The following KCNK12 variants were observed in gnomAD, a reference collection of about 807,000 sequenced individuals.
KCNK12 encodes the protein potassium two pore domain channel subfamily K member 12.
In KCNK12, 6 loss-of-function variants were observed where a neutral mutation model predicts 25.3. The observed-to-expected ratio is 0.24, with a 90% confidence interval of 0.13 to 0.47. The LOEUF is 0.47. Ranked by LOEUF, KCNK12 falls within the 20% of genes least tolerant of loss-of-function variation. KCNK12 has a pLI of 0.99. For missense variants in KCNK12, 444 were observed against 661.7 expected (o/e 0.67, Z 3.61); for synonymous variants, 331 against 311.1 (o/e 1.06, Z -0.67).
intron 1 of KCNK12, among the ~76,000 whole-genome samples, chr2:47,552,168 G>A (rs1669448679): frequency 1.3e-5 from 2 of 152,200 alleles, no homozygotes; most frequent in African/African-American, 4.8e-5. Flanking sequence ...AATGTAGATG[G>A]AAGTGAAGGG....
rs952204081 is a variant in KCNK12, at chr2:47,517,349, A to G, written c.*3558T>C. The G allele has an allele frequency of 2.0e-5, 3 of 152,086 alleles. No individual in the cohort carries two copies. Among genetic ancestry groups the G allele is most frequent in the East Asian group, 1.9e-4 (1 of 5,162 alleles). The allele number at this position is 152,086 out of a possible 1,614,324, so 9.4% of individuals were successfully genotyped here. A position where few individuals can be genotyped will look rare whatever the true frequency, so the allele number is the denominator to read the frequency against. On this transcript the variant is annotated 3_prime_UTR_variant, in exon 2 of 2. Coordinates refer to ENST00000327876, the MANE Select transcript of KCNK12 (RefSeq NM_022055.2). The surrounding 1 kb of genome is among the most constrained non-coding windows in gnomAD (Gnocchi z 4.1). ...CTGAAGGACGGAGGATCCTGGGTCA[A>G]TTTAGCAGCTATTTTCCAGGGTTTG...
intron 1 of KCNK12, among the ~76,000 whole-genome samples, chr2:47,544,035 C>G (rs1475085302): frequency 6.6e-6 from 1 of 152,212 alleles, no homozygotes; most frequent in Non-Finnish European, 1.5e-5. Context: ...CTCTTGGTGG[C>G]TTCCAAAGGC....
At position 47,521,460 on chromosome 2, in the gene KCNK12, A is replaced by G; in HGVS notation, c.740T>C (p.Leu247Pro). Residue 247 changes from leucine (L) to proline (P), a missense_variant, in exon 2 of 2, where the codon CTC becomes CCC. Leu to Pro is a moderately conservative substitution (Grantham distance 98, BLOSUM62 -3). Transcript: ENST00000327876. ...GCTGAAGGTGACGAAGCAGAAGTAG[A>G]GCGAGTCCACGTAGTCCCAGCCCTC... ...SVEGWDYVDS[L>P]YFCFVTFSTI... 6.2e-7 allele frequency: 1 copy of G among 1,612,712 alleles called. No individual in the cohort carries two copies. The highest frequency in any genetic ancestry group is 8.5e-7 in the Non-Finnish European group (1 of 1,179,506).
chr2:47,558,289 G>A (rs1669591198), intron 1 of KCNK12, among the ~76,000 whole-genome samples: 1 of 152,246 alleles, frequency 6.6e-6, no homozygotes, highest in South Asian at 2.1e-4. Context: ...CAAACCAGCA[G>A]GAAGTGTGGG....
intron 1 of KCNK12, among the ~76,000 whole-genome samples, chr2:47,536,287 T>C (rs1669065230): frequency 6.6e-6 from 1 of 152,234 alleles, no homozygotes; most frequent in East Asian, 1.9e-4. Context: ...CTGTGTGCTG[T>C]CTTGTGACAG....
At position 47,515,575 on chromosome 2, in the gene KCNK12, T is replaced by C. The variant is rs1220835411; in HGVS notation, c.*5332A>G. Among the ~76,000 whole-genome samples the C allele has an allele frequency of 2.0e-5, 3 of 152,158 alleles. No homozygotes were observed. The highest frequency in any genetic ancestry group is 4.4e-5 in the Non-Finnish European group (3 of 68,032). ...TTTGATGTCATGAAAGTCCCTGCTG[T>C]AGATAAAAGATGGAGCTTGTGCTTC... On this transcript the variant is annotated 3_prime_UTR_variant, in exon 2 of 2. Coordinates refer to ENST00000327876, the MANE Select transcript of KCNK12 (RefSeq NM_022055.2).
At chr2:47,542,293 G>A (rs1267871111) in intron 1 of KCNK12, among the ~76,000 whole-genome samples, 13 of 152,140 alleles carry the variant, frequency 8.5e-5, no homozygotes, top group Non-Finnish European at 1.5e-4. Flanking sequence ...CGCAGGGACC[G>A]ACTGCTCCTC....
At chr2:47,549,935 A>G (rs1669391079) in intron 1 of KCNK12, among the ~76,000 whole-genome samples, 2 of 145,140 alleles carry the variant, frequency 1.4e-5, no homozygotes, top group Admixed American at 6.9e-5. Flanking sequence ...CTCCACCTCG[A>G]AAAAAAAAAA....
chr2:47,570,494 C>G lies in KCNK12; in HGVS notation c.-163G>C, dbSNP rs1168958731. 5.8e-6 allele frequency: 4 copies of G among 688,034 alleles called. No individual in the cohort carries two copies. Among genetic ancestry groups the G allele is most frequent in the African/African-American group, 5.7e-5 (3 of 52,846 alleles). The allele number at this position is 688,034 out of a possible 1,614,324, so 42.6% of individuals were successfully genotyped here. A position where few individuals can be genotyped will look rare whatever the true frequency, so the allele number is the denominator to read the frequency against. On this transcript the variant is annotated 5_prime_UTR_variant, in exon 1 of 2. Transcript: ENST00000327876. Reference sequence around the variant, plus strand: ...CCTCGTCGCCTTCCCAGAGCCCGGACAGAGGGGCGCCTCCGCCTCCTCCCC... The same window carrying G: ...CCTCGTCGCCTTCCCAGAGCCCGGAGAGAGGGGCGCCTCCGCCTCCTCCCC...
intron 1 of KCNK12, among the ~76,000 whole-genome samples, chr2:47,544,455 C>A (rs547811611): frequency 1.3e-5 from 2 of 152,366 alleles, no homozygotes; most frequent in South Asian, 2.1e-4. Context: ...TCTTCCCAGG[C>A]CCCCAGTGAT....
chr2:47,543,044 C>G (rs913387836), intron 1 of KCNK12, among the ~76,000 whole-genome samples: 1 of 152,196 alleles, frequency 6.6e-6, no homozygotes, highest in African/African-American at 2.4e-5. Flanking sequence ...GATCCTCCCA[C>G]CTCAGCCTCC....
intron 1 of KCNK12, among the ~76,000 whole-genome samples, chr2:47,539,847 A>G (rs1669158737): frequency 6.6e-6 from 1 of 151,676 alleles, no homozygotes; most frequent in Non-Finnish European, 1.5e-5. Flanking sequence ...AGGACCATCC[A>G]CAGCTGAAGT....
intron 1 of KCNK12, among the ~76,000 whole-genome samples, chr2:47,553,682 CT>C (rs1325650520): frequency 6.6e-6 from 1 of 152,244 alleles, no homozygotes; most frequent in Non-Finnish European, 1.5e-5. Flanking sequence ...CATTACACCC[CT>C]GTTCAAGAAC....
rs186763428 is a variant in KCNK12 at position 47,556,533 on chromosome 2, G to A, written c.391+13408C>T. Among the ~76,000 whole-genome samples the A allele has an allele frequency of 3.4e-4, 51 of 152,222 alleles. No individual in the cohort carries two copies. Among genetic ancestry groups the A allele is most frequent in the African/African-American group, 1.2e-3 (51 of 41,528 alleles). On this transcript the variant is annotated intron_variant, in intron 1 of 1. Coordinates refer to ENST00000327876, the MANE Select transcript of KCNK12 (RefSeq NM_022055.2). The surrounding 1 kb of genome is among the most constrained non-coding windows in gnomAD (Gnocchi z 4.8). ...GTGTGGAGTGTCCAGCTGGTACTCAGGGTCACCAATTTAAAGTTGGACCAG... is the reference window on the plus strand; with the variant it reads ...GTGTGGAGTGTCCAGCTGGTACTCAAGGTCACCAATTTAAAGTTGGACCAG...
At position 47,512,602 on chromosome 2, in the gene KCNK12, G is replaced by A. The variant is rs901473764; in HGVS notation, c.*8305C>T. ...ATTCCAGGACTTACAGTGAGAAAGC[G>A]CCTTCTGGGAACTTCACAATGGCTA... is the stretch of plus-strand genomic sequence containing the variant. On this transcript the variant is annotated 3_prime_UTR_variant, in exon 2 of 2. Transcript: ENST00000327876. 33 of 734,120 alleles carry A rather than the reference G, an allele frequency of 4.5e-5. No homozygotes were observed. Among genetic ancestry groups the A allele is most frequent in the African/African-American group, 1.4e-4 (8 of 56,184 alleles). The allele number at this position is 734,120 out of a possible 1,614,324, so 45.5% of individuals were successfully genotyped here. A position where few individuals can be genotyped will look rare whatever the true frequency, so the allele number is the denominator to read the frequency against.
rs183918518 is a variant in KCNK12 at position 47,538,433 on chromosome 2, C to T, written c.392-16625G>A. 7.2e-5 allele frequency among the ~76,000 whole-genome samples: 11 copies of T among 151,870 alleles called. No individual in the cohort carries two copies. The highest frequency in any genetic ancestry group is 1.5e-4 in the African/African-American group (6 of 41,326). ...GAGTGTTTCAGGCTAGTCAACAGCA[C>T]GAGCAAAGGCCCTGAGGCAGAGGGG... On this transcript the variant is annotated intron_variant, in intron 1 of 1. Coordinates refer to ENST00000327876, the MANE Select transcript of KCNK12 (RefSeq NM_022055.2). The surrounding 1 kb of genome is among the most constrained non-coding windows in gnomAD (Gnocchi z 4.5).
intron 1 of KCNK12, among the ~76,000 whole-genome samples, chr2:47,531,859 T>C (rs1668937887): frequency 6.6e-6 from 1 of 152,166 alleles, no homozygotes; most frequent in African/African-American, 2.4e-5. Context: ...AAGCTGTCAC[T>C]TCAGCCTCTG....
In KCNK12 at chr2:47,525,270, T is replaced by G. The variant is rs916711747; in HGVS notation, c.392-3462A>C. Among the ~76,000 whole-genome samples, 11 of 152,270 alleles carry G rather than the reference T, an allele frequency of 7.2e-5. 2 individuals are homozygous for G. The highest frequency in any genetic ancestry group is 1.3e-4 in the Admixed American group (2 of 15,296). ...CAGTTGGGAAGTTGTTATGGGTAGT[T>G]GTTGTGGCAGTGGAGAGTGCTGTGG... On this transcript the variant is annotated intron_variant, in intron 1 of 1. Transcript: ENST00000327876. This position sits in a 1 kb window ranked among gnomAD's most constrained non-coding sequence, Gnocchi z 4.1.
At chr2:47,530,104 C>T (rs1668885213) in intron 1 of KCNK12, among the ~76,000 whole-genome samples, 1 of 152,138 alleles carries the variant, frequency 6.6e-6, no homozygotes, top group African/African-American at 2.4e-5. Flanking sequence ...AATCAAGGAA[C>T]CCAAGGCTCA....
Sources: allele counts gnomAD v4.1 joint callset (sites outside exome capture counted in the v4.1 genomes callset), GRCh38; gene constraint gnomAD v4.1.1; non-coding constraint Gnocchi (gnomAD v3.1); transcripts MANE v1.5; gene names NCBI Gene and HGNC (gene_info 2026-07-23, HGNC 2026-07-21).